Variants in PRKCB observed in about 807,000 individuals in gnomAD.
PRKCB encodes protein kinase C beta type.
Under a neutral mutation model 81.5 loss-of-function variants are expected in PRKCB, and 13 were observed. That is an observed-to-expected ratio of 0.16 (90% CI 0.10 to 0.25). The LOEUF (loss-of-function observed/expected upper bound fraction) is 0.25, where lower values mean the gene tolerates loss of function less well. Among genes scored for constraint, PRKCB ranks in the 10% least tolerant of loss-of-function variants. PRKCB has a pLI of 1.00. For synonymous variants in PRKCB, 335 were observed against 321.4 expected (o/e 1.04, Z -0.45); for missense variants, 509 against 875.7 (o/e 0.58, Z 5.29).
intron 5 of PRKCB, among the ~76,000 whole-genome samples, chr16:24,062,997 T>C (rs1229696711): frequency 6.6e-6 from 1 of 151,928 alleles, no homozygotes. Context: ...ATGGTAGGAA[T>C]GAGAAGATGC....
At chr16:23,964,565 G>A (rs768153880) in intron 2 of PRKCB, among the ~76,000 whole-genome samples, 6 of 151,960 alleles carry the variant, frequency 3.9e-5, no homozygotes, top group Non-Finnish European at 8.8e-5. Context: ...TATACATTTT[G>A]TTCTCCACCT....
At chr16:23,979,340 T>C (rs1290214351) in intron 2 of PRKCB, among the ~76,000 whole-genome samples, 1 of 152,174 alleles carries the variant, frequency 6.6e-6, no homozygotes, top group Non-Finnish European at 1.5e-5. Context: ...ATTGAGAATA[T>C]ACCTTCTGCT....
intron 2 of PRKCB, among the ~76,000 whole-genome samples, chr16:23,955,493 T>C (rs981922801): frequency 1.3e-5 from 2 of 152,176 alleles, no homozygotes; most frequent in African/African-American, 4.8e-5. Context: ...GTGCCGCGCT[T>C]GCCCTCATCC....
chr16:23,875,508 A>ACACACATACG (rs1567298330), intron 2 of PRKCB, among the ~76,000 whole-genome samples: 1 of 59,108 alleles, frequency 1.7e-5, no homozygotes, highest in African/African-American at 5.1e-5. Context: ...TATATATATG[A>ACACACATACG]TGTATATCAC....
At chr16:24,133,176 G>A (rs1430327870) in intron 9 of PRKCB, among the ~76,000 whole-genome samples, 1 of 151,974 alleles carries the variant, frequency 6.6e-6, no homozygotes, top group Non-Finnish European at 1.5e-5. Context: ...CCAGGAGATG[G>A]AGCAACAAAG....
intron 3 of PRKCB, among the ~76,000 whole-genome samples, chr16:23,997,956 A>G (rs1020489674): frequency 1.3e-5 from 2 of 152,234 alleles, no homozygotes; most frequent in Non-Finnish European, 2.9e-5. Flanking sequence ...GGGTACCCAG[A>G]TAGCTGGTAA....
At chr16:24,129,301 CA>C (rs142819792) in intron 9 of PRKCB, among the ~76,000 whole-genome samples, 1,603 of 152,168 alleles carry the variant, frequency 0.011, 28 homozygotes, top group African/African-American at 0.033. Context: ...GAGATGGGAT[CA>C]GGGGGTTAGA....
In PRKCB at chr16:24,215,624, G is replaced by A. The variant is rs147723634; in HGVS notation, c.*808G>A. ...TTATTTGCTTTGGGGTTTTGTTTCT[G>A]TTGTTGTTCAAATGCAAAAAAAAGA... On this transcript the variant is annotated 3_prime_UTR_variant, in exon 17 of 17. Coordinates refer to ENST00000643927, the MANE Select transcript of PRKCB (RefSeq NM_002738.7). The A allele has an allele frequency of 3.0e-4, 295 of 983,930 alleles. No homozygotes were observed. The African/African-American group carries it at 4.9e-3, about 16-fold the overall frequency. 60.9% of individuals were successfully genotyped at this position (983,930 alleles called of 1,614,324 possible).
intron 5 of PRKCB, among the ~76,000 whole-genome samples, chr16:24,068,889 T>C (rs1438253588): frequency 3.3e-5 from 5 of 152,182 alleles, no homozygotes; most frequent in Non-Finnish European, 7.3e-5. Flanking sequence ...GGAGTGAAGA[T>C]AGTGAAGTAA....
At chr16:24,070,788 G>A (rs911288676) in intron 5 of PRKCB, among the ~76,000 whole-genome samples, 7 of 152,154 alleles carry the variant, frequency 4.6e-5, no homozygotes, top group African/African-American at 1.4e-4. Flanking sequence ...CTGAGGCCAA[G>A]CCCTTGGCCA....
chr16:24,095,524 G>A (rs747089437), intron 7 of PRKCB, among the ~76,000 whole-genome samples: 45 of 152,168 alleles, frequency 3.0e-4, no homozygotes, highest in Non-Finnish European at 7.3e-5. Context: ...TTCTACAGTA[G>A]TGATGTTATC....
intron 2 of PRKCB, among the ~76,000 whole-genome samples, chr16:23,919,714 T>C (rs989490516): frequency 2.0e-5 from 3 of 152,200 alleles, no homozygotes; most frequent in Non-Finnish European, 4.4e-5. Flanking sequence ...TTTGTCTCTA[T>C]GAATTTGAAT....
chr16:24,166,236 A>G (rs575391342), intron 10 of PRKCB, among the ~76,000 whole-genome samples: 1 of 152,198 alleles, frequency 6.6e-6, no homozygotes, highest in East Asian at 1.9e-4. Flanking sequence ...TGACTTTGGT[A>G]TGAAGTTAAA....
chr16:23,913,402 T>C (rs906498725), intron 2 of PRKCB, among the ~76,000 whole-genome samples: 3 of 151,506 alleles, frequency 2.0e-5, no homozygotes, highest in Admixed American at 6.6e-5. Flanking sequence ...CCCAGTGCCA[T>C]GGGTGAGGGA....
At chr16:23,925,291 C>T (rs536221855) in intron 2 of PRKCB, among the ~76,000 whole-genome samples, 1 of 152,232 alleles carries the variant, frequency 6.6e-6, no homozygotes, top group Non-Finnish European at 1.5e-5. Context: ...ATCCTCTGCC[C>T]TGATAACATC....
At chr16:23,842,345 A>G (rs144881460) in intron 2 of PRKCB, among the ~76,000 whole-genome samples, 2 of 152,346 alleles carry the variant, frequency 1.3e-5, no homozygotes, top group African/African-American at 2.4e-5. Context: ...TAGCCACAGC[A>G]AGTATCAATG....
At position 24,073,880 on chromosome 16, in the gene PRKCB, C is replaced by A. The variant is rs9938585; in HGVS notation, c.530-18911C>A. On this transcript the variant is annotated intron_variant, in intron 5 of 16. Transcript: ENST00000643927. ...AGTGATGGCCGGGCGTGGTGGCTCA[C>A]GCCTGTAATCCCAACACTTTGGGAG... Among the ~76,000 whole-genome samples the A allele has an allele frequency of 3.9e-5, 6 of 152,200 alleles. No individual in the cohort carries two copies. In the East Asian group the frequency reaches 1.2e-3, roughly 29 times the overall value.
intron 5 of PRKCB, among the ~76,000 whole-genome samples, chr16:24,078,447 T>C (rs1274284947): frequency 7.2e-5 from 11 of 152,194 alleles, no homozygotes; most frequent in Non-Finnish European, 1.3e-4. Context: ...GCTAACTTAT[T>C]GGATGCCTGA....
chr16:24,099,936 A>G (rs386347), intron 7 of PRKCB: 102,320 of 148,716 alleles, frequency 0.69, 35,486 homozygotes, highest in African/African-American at 0.76. Context: ...TCCCGCCACT[A>G]CACCCAGCCT....
Sources: allele counts gnomAD v4.1 joint callset (sites outside exome capture counted in the v4.1 genomes callset), GRCh38; gene constraint gnomAD v4.1.1; transcripts MANE v1.5; gene names NCBI Gene and HGNC (gene_info 2026-07-23, HGNC 2026-07-21).